FREM2: variants seen among roughly 807,000 people sequenced by gnomAD.
FREM2 encodes FRAS1 related extracellular matrix 2.
Under a neutral mutation model 219.9 loss-of-function variants are expected in FREM2, and 119 were observed. The ratio of observed to expected loss-of-function variants is 0.54; its 90% confidence interval spans 0.47 to 0.63. The LOEUF is 0.63. Ranked by LOEUF, FREM2 falls within the 30% of genes least tolerant of loss-of-function variation. The pLI is 0.00. For missense variants in FREM2, 4,030 were observed against 3,993.6 expected (o/e 1.01, Z -0.25); for synonymous variants, 1,562 against 1,522.8 (o/e 1.03, Z -0.60).
At chr13:38,752,172 T>G (rs902339626) in intron 2 of FREM2, among the ~76,000 whole-genome samples, 2 of 152,240 alleles carry the variant, frequency 1.3e-5, no homozygotes, top group African/African-American at 4.8e-5. Flanking sequence ...TGTCTCTGTC[T>G]GTCTCCACCA....
chr13:38,799,162 A>G (rs558331145), intron 6 of FREM2, among the ~76,000 whole-genome samples: 1 of 151,568 alleles, frequency 6.6e-6, no homozygotes, highest in Admixed American at 6.6e-5. Context: ...CACACAATTT[A>G]TGTATTTTCA....
intron 6 of FREM2, among the ~76,000 whole-genome samples, chr13:38,797,512 T>C (rs1874839395): frequency 6.6e-6 from 1 of 152,160 alleles, no homozygotes; most frequent in Non-Finnish European, 1.5e-5. Flanking sequence ...TTTTACTTCC[T>C]TGTCAGATAA....
intron 6 of FREM2, among the ~76,000 whole-genome samples, chr13:38,807,139 C>T (rs191789977): frequency 1.3e-3 from 168 of 132,042 alleles, no homozygotes; most frequent in African/African-American, 4.1e-3. Flanking sequence ...TTTTTTTCAA[C>T]CCCCTGCTCA....
intron 6 of FREM2, among the ~76,000 whole-genome samples, chr13:38,787,579 A>G (rs938473173): frequency 6.6e-6 from 1 of 152,024 alleles, no homozygotes; most frequent in African/African-American, 2.4e-5. Flanking sequence ...ACTTTCCCCA[A>G]TCAAAAGCCA....
intron 6 of FREM2, among the ~76,000 whole-genome samples, chr13:38,795,291 C>A (rs898264164): frequency 6.6e-6 from 1 of 150,898 alleles, no homozygotes; most frequent in Admixed American, 6.7e-5. Context: ...CTGTTGTACA[C>A]CCTGGATGAG....
At position 38,859,339 on chromosome 13, in the gene FREM2, G is replaced by A. The variant is rs1346514503; in HGVS notation, c.7268G>A (p.Ser2423Asn). Residue 2423 changes from serine (S) to asparagine (N), a missense_variant, in exon 14 of 24, where the codon AGT becomes AAT. Physicochemically the swap from Ser to Asn is conservative, Grantham distance 46. Around this residue, in one of 2 missense-constraint regions of FREM2, gnomAD observed 928 missense variants for 1,042.9 expected, o/e 0.89. Coordinates refer to ENST00000280481, the MANE Select transcript of FREM2 (RefSeq NM_207361.6). ...DYDKTGSICA[S>N]ENINDTLTRY... is the part of the protein sequence containing the mutation. ...GATAAAACAGGCTCTATCTGTGCAA[G>A]TGAGAACATCAATGACACTTTGACG... 1.2e-6 allele frequency: 2 copies of A among 1,614,212 alleles called. No individual in the cohort carries two copies. Among genetic ancestry groups the A allele is most frequent in the Non-Finnish European group, 1.7e-6 (2 of 1,180,042 alleles).
In FREM2 at chr13:38,878,983, C is replaced by T. The variant is rs1403769349; in HGVS notation, c.9006+6C>T. The stretch of plus-strand genomic sequence containing the variant: ...ACTCAACACCACTCTTTCAGGTAGG[C>T]CAAAAACAAGCTCATTTGTAGTAGT... On this transcript the variant is annotated splice_donor_region_variant and intron_variant, in intron 23 of 23. Coordinates refer to ENST00000280481, the MANE Select transcript of FREM2 (RefSeq NM_207361.6). 7 of 1,613,812 alleles carry T rather than the reference C, an allele frequency of 4.3e-6. No homozygotes were observed. The South Asian group carries it at 7.7e-5, about 18-fold the overall frequency.
chr13:38,849,063 A>T (rs1206391833), intron 8 of FREM2, among the ~76,000 whole-genome samples: 2 of 152,024 alleles, frequency 1.3e-5, no homozygotes, highest in East Asian at 3.9e-4. Flanking sequence ...CCTCATTGTA[A>T]TTTAATTACT....
chr13:38,782,309 T>C (rs557851154), intron 4 of FREM2, among the ~76,000 whole-genome samples: 1 of 152,338 alleles, frequency 6.6e-6, no homozygotes, highest in African/African-American at 2.4e-5. Context: ...ATGGTTGTTA[T>C]TGTTTTACAT....
At chr13:38,816,778 GC>G (rs1267953248) in intron 6 of FREM2, among the ~76,000 whole-genome samples, 2 of 152,014 alleles carry the variant, frequency 1.3e-5, no homozygotes, top group African/African-American at 4.8e-5. Context: ...AAAGGAGGAA[GC>G]TAAGTGCCCT....
chr13:38,854,446 C>T (rs1877483444), intron 11 of FREM2, among the ~76,000 whole-genome samples: 2 of 152,154 alleles, frequency 1.3e-5, no homozygotes, highest in South Asian at 2.1e-4. Context: ...CATTCCTTGC[C>T]AAGAAAAGGC....
intron 6 of FREM2, among the ~76,000 whole-genome samples, chr13:38,843,681 T>G (rs574196492): frequency 1.3e-5 from 2 of 152,292 alleles, no homozygotes; most frequent in East Asian, 3.9e-4. Context: ...TGATGTGTCT[T>G]TAACTCATTC....
At chr13:38,866,566 G>C (rs569097121) in intron 16 of FREM2, among the ~76,000 whole-genome samples, 1 of 151,924 alleles carries the variant, frequency 6.6e-6, no homozygotes, top group East Asian at 1.9e-4. Flanking sequence ...TACTCAGGAG[G>C]CTGAGGCAGG....
chr13:38,720,010 T>A (rs1320466773), intron 2 of FREM2, among the ~76,000 whole-genome samples: 1 of 152,126 alleles, frequency 6.6e-6, no homozygotes, highest in East Asian at 1.9e-4. Flanking sequence ...CTGGAGAAGG[T>A]TTACCAACAA....
chr13:38,752,225 C>T (rs1393289809), intron 2 of FREM2, among the ~76,000 whole-genome samples: 1 of 152,138 alleles, frequency 6.6e-6, no homozygotes, highest in Non-Finnish European at 1.5e-5. Context: ...CTCCTTCTCT[C>T]CTTCCTTTTT....
At chr13:38,785,608 A>C (rs1486372691) in intron 6 of FREM2, among the ~76,000 whole-genome samples, 1 of 152,216 alleles carries the variant, frequency 6.6e-6, no homozygotes, top group Non-Finnish European at 1.5e-5. Context: ...GACAGTCAAA[A>C]GACCAAACTG....
At position 38,690,973 on chromosome 13, in the gene FREM2, C is replaced by A; in HGVS notation, c.3629C>A (p.Thr1210Lys). ...VMEGMSLVID[T>K]PILNAADADV... ...GAAGGCATGAGTCTGGTAATTGATACACCCATTCTCAATGCTGCTGATGCT... is the reference window on the plus strand; with the variant it reads ...GAAGGCATGAGTCTGGTAATTGATAAACCCATTCTCAATGCTGCTGATGCT... Residue 1210 changes from threonine to lysine, a missense_variant, in exon 1 of 24, where the codon ACA (threonine) becomes AAA (lysine). Physicochemically the swap from Thr to Lys is moderately conservative, Grantham distance 78 (BLOSUM62 -1). Around this residue, in one of 2 missense-constraint regions of FREM2, gnomAD observed 3,102 missense variants for 2,950.7 expected, o/e 1.05. Coordinates refer to ENST00000280481, the MANE Select transcript of FREM2 (RefSeq NM_207361.6). 6.2e-7 allele frequency: 1 copy of A among 1,613,960 alleles called. No individual in the cohort carries two copies. Among genetic ancestry groups the A allele is most frequent in the Non-Finnish European group, 8.5e-7 (1 of 1,179,888 alleles).
At chr13:38,694,181 T>A (rs894759313) in intron 1 of FREM2, among the ~76,000 whole-genome samples, 7 of 152,232 alleles carry the variant, frequency 4.6e-5, no homozygotes, top group African/African-American at 1.7e-4. Flanking sequence ...CTCTAAAAAT[T>A]ATGCTATTTC....
In FREM2 at chr13:38,857,477, TC is replaced by T. The variant is rs761346863; in HGVS notation, c.7057-396del. Among the ~76,000 whole-genome samples, 70 of 152,150 alleles carry T rather than the reference TC, an allele frequency of 4.6e-4. 1 individual carries two copies. Among genetic ancestry groups the T allele is most frequent in the Non-Finnish European group, 1.3e-4 (9 of 68,020 alleles). On this transcript the variant is annotated intron_variant, in intron 12 of 23. Transcript: ENST00000280481. Reference sequence around the variant, plus strand: ...ATCCCATGACCTCTGTGATATTCCTTCCTTCAGAATGTCCTCCAGCTTTACT... The same window carrying T: ...ATCCCATGACCTCTGTGATATTCCTTCTTCAGAATGTCCTCCAGCTTTACT...
Sources: gnomAD v4.1 joint callset for allele counts (sites outside exome capture counted in the v4.1 genomes callset) on GRCh38, gnomAD v4.1.1 for gene constraint, gnomAD v4.1.1 regional missense constraint, MANE v1.5 for transcripts, NCBI Gene and HGNC (gene_info 2026-07-23, HGNC 2026-07-21) for gene names.